Variants in PPP2R2B observed in about 807,000 individuals in gnomAD.
PPP2R2B encodes protein phosphatase 2 regulatory subunit Bbeta, also known as serine/threonine-protein phosphatase 2A 55 kDa regulatory subunit B beta isoform.
Under a neutral mutation model 46.0 loss-of-function variants are expected in PPP2R2B, and 5 were observed. That is an observed-to-expected ratio of 0.11 (90% CI 0.06 to 0.23). PPP2R2B has a LOEUF of 0.23. Among genes scored for constraint, PPP2R2B ranks in the 10% least tolerant of loss-of-function variants. PPP2R2B has a pLI of 1.00. For missense variants in PPP2R2B, 367 were observed against 575.0 expected, an observed-to-expected ratio of 0.64 and a Z score of 3.70; for synonymous variants, 215 against 206.7, an observed-to-expected ratio of 1.04 and a Z score of -0.34.
chr5:146,590,259 C>T (rs1770479284), intron 9 of PPP2R2B, 33 bp from the exon 10 acceptor site: 6 of 1,532,286 alleles, frequency 3.9e-6, no homozygotes, highest in Non-Finnish European at 5.2e-6. Flanking sequence ...AATGACATAT[C>T]TTCACTGTCT....
intron 5 of PPP2R2B, among the ~76,000 whole-genome samples, chr5:146,668,933 T>G (rs1159055447): frequency 6.6e-6 from 1 of 152,230 alleles, no homozygotes; most frequent in East Asian, 1.9e-4. Context: ...TAATTCATTT[T>G]CTTCCTGAAG....
intron 7 of PPP2R2B, chr5:146,606,863 A>G (rs1243135535): frequency 6.6e-6 from 1 of 152,204 alleles, no homozygotes; most frequent in Non-Finnish European, 1.5e-5. Flanking sequence ...GTGTACAGGA[A>G]ACAAGCCAGT....
intron 2 of PPP2R2B, among the ~76,000 whole-genome samples, chr5:146,772,363 A>G (rs1754909026): frequency 6.8e-6 from 1 of 147,408 alleles, no homozygotes; most frequent in Non-Finnish European, 1.5e-5. Flanking sequence ...CTAAAATTAT[A>G]TATTAGTTAA....
chr5:146,816,318 T>G (rs186406315), intron 2 of PPP2R2B, among the ~76,000 whole-genome samples: 1 of 152,282 alleles, frequency 6.6e-6, no homozygotes. Flanking sequence ...GAGGATGACT[T>G]GAGCCCAGGA....
At chr5:147,009,147 A>G (rs918705390) in intron 1 of PPP2R2B, among the ~76,000 whole-genome samples, 14 of 152,146 alleles carry the variant, frequency 9.2e-5, no homozygotes, top group Non-Finnish European at 1.8e-4. Context: ...GAAAAACTAC[A>G]CTATTTATAA....
intron 2 of PPP2R2B, among the ~76,000 whole-genome samples, chr5:146,754,311 C>G (rs1753719733): frequency 2.0e-5 from 3 of 152,106 alleles, no homozygotes. Flanking sequence ...AAGTGAAAGT[C>G]TGGGAGCGAT....
chr5:146,591,713 A>G (rs1770684335), intron 9 of PPP2R2B, among the ~76,000 whole-genome samples: 1 of 151,724 alleles, frequency 6.6e-6, no homozygotes, highest in African/African-American at 2.4e-5. Context: ...TATCTGAAAG[A>G]GAAATTAAAC....
chr5:146,969,175 T>A (rs1445327909), intron 1 of PPP2R2B, among the ~76,000 whole-genome samples: 1 of 152,170 alleles, frequency 6.6e-6, no homozygotes, highest in Non-Finnish European at 1.5e-5. Flanking sequence ...GCAGATCCAG[T>A]CAAGAGTTGG....
intron 2 of PPP2R2B, among the ~76,000 whole-genome samples, chr5:146,849,235 A>G (rs1381988237): frequency 6.6e-6 from 1 of 152,216 alleles, no homozygotes; most frequent in East Asian, 1.9e-4. Flanking sequence ...TGACACAGAA[A>G]GAAATATATG....
chr5:146,955,603 G>T (rs1478432387), intron 1 of PPP2R2B, among the ~76,000 whole-genome samples: 1 of 151,996 alleles, frequency 6.6e-6, no homozygotes, highest in Admixed American at 6.6e-5. Flanking sequence ...CAAGAGAAGT[G>T]CTCTTCTGAC....
At chr5:146,906,249 TAA>T (rs1352629839) in intron 1 of PPP2R2B, among the ~76,000 whole-genome samples, 2 of 152,074 alleles carry the variant, frequency 1.3e-5, no homozygotes, top group African/African-American at 2.4e-5. Context: ...TTGAATATAT[TAA>T]GTTAAAGAAA....
At chr5:146,795,576 A>G (rs1478195538) in intron 2 of PPP2R2B, among the ~76,000 whole-genome samples, 1 of 152,138 alleles carries the variant, frequency 6.6e-6, no homozygotes, top group Non-Finnish European at 1.5e-5. Context: ...CAGAGACCTA[A>G]TATACAACAT....
At chr5:146,737,714 A>C (rs1471524738) in intron 2 of PPP2R2B, among the ~76,000 whole-genome samples, 1 of 152,194 alleles carries the variant, frequency 6.6e-6, no homozygotes, top group Non-Finnish European at 1.5e-5. Context: ...TATAAATGGG[A>C]AACTCCAGTC....
chr5:146,768,899 T>TG (rs888220366), intron 2 of PPP2R2B, among the ~76,000 whole-genome samples: 9 of 151,830 alleles, frequency 5.9e-5, no homozygotes, highest in African/African-American at 2.2e-4. Flanking sequence ...TTTTTTTTTT[T>TG]TTTGAGACAG....
chr5:146,764,399 CG>C (rs1754346105), intron 2 of PPP2R2B, among the ~76,000 whole-genome samples: 1 of 152,106 alleles, frequency 6.6e-6, no homozygotes, highest in South Asian at 2.1e-4. Flanking sequence ...GTATTTAGGG[CG>C]CTATTTCTTC....
At chr5:146,625,814 AGAGTATCTT>A (rs1354816417) in intron 7 of PPP2R2B, among the ~76,000 whole-genome samples, 1 of 152,144 alleles carries the variant, frequency 6.6e-6, no homozygotes, top group Non-Finnish European at 1.5e-5. Flanking sequence ...TAAGGTGGGG[AGAGTATCTT>A]GGATTACCCA....
intron 2 of PPP2R2B, among the ~76,000 whole-genome samples, chr5:146,770,394 A>G (rs1754776672): frequency 6.6e-6 from 1 of 151,608 alleles, no homozygotes; most frequent in East Asian, 1.9e-4. Context: ...CATAGGCCAG[A>G]ACACTAAAAA....
At chr5:146,865,078 C>T (rs954685651) in intron 2 of PPP2R2B, among the ~76,000 whole-genome samples, 7 of 152,094 alleles carry the variant, frequency 4.6e-5, no homozygotes, top group Non-Finnish European at 1.5e-5. Flanking sequence ...TAACCAAATA[C>T]ATTATTTATA....
intron 1 of PPP2R2B, among the ~76,000 whole-genome samples, chr5:146,976,444 T>G (rs1464311050): frequency 6.6e-6 from 1 of 152,054 alleles, no homozygotes; most frequent in Non-Finnish European, 1.5e-5. Context: ...GCCAACAGTT[T>G]TATAGTTTTA....
Sources: gnomAD v4.1 joint callset for allele counts (sites outside exome capture counted in the v4.1 genomes callset) on GRCh38, gnomAD v4.1.1 for gene constraint, MANE v1.5 for transcripts, NCBI Gene and HGNC (gene_info 2026-07-23, HGNC 2026-07-21) for gene names.